The following LRRC37B variants were observed in gnomAD, a reference collection of about 807,000 sequenced individuals.
LRRC37B encodes the protein leucine-rich repeat-containing protein 37B.
A neutral mutation model predicts 98.3 loss-of-function variants in LRRC37B; 28 were observed. The observed-to-expected ratio is 0.28, with a 90% confidence interval of 0.21 to 0.39. The LOEUF (loss-of-function observed/expected upper bound fraction) is 0.39, where lower values mean the gene tolerates loss of function less well. Ranked by LOEUF, LRRC37B falls within the 10% of genes least tolerant of loss-of-function variation. The pLI is 1.00. For missense variants in LRRC37B, 938 were observed against 1,182.7 expected (o/e 0.79, Z 3.03); for synonymous variants, 364 against 442.7 (o/e 0.82, Z 2.23).
At chr17:32,039,663 C>T (rs1284046075) in intron 7 of LRRC37B, among the ~76,000 whole-genome samples, 17 of 146,078 alleles carry the variant, frequency 1.2e-4, no homozygotes, top group African/African-American at 4.1e-4. Flanking sequence ...CTTACTGCAA[C>T]TTAAATTGTG....
At chr17:32,027,499 GTGTGTGTGTGCTTGCC>G (rs1477658334) in intron 2 of LRRC37B, among the ~76,000 whole-genome samples, 2 of 150,474 alleles carry the variant, frequency 1.3e-5, no homozygotes, top group African/African-American at 2.4e-5. Flanking sequence ...GGGTGTGCTT[GTGTGTGTGTGCTTGCC>G]TGTGTGTGTG....
chr17:32,022,718 C>T lies in LRRC37B; in HGVS notation c.1653C>T (p.Cys551=), dbSNP rs1044847. Residue 551 remains cysteine, a synonymous_variant, in exon 1 of 12, where the codon TGC becomes TGT. Coordinates refer to ENST00000327564, the Ensembl canonical transcript of LRRC37B. ...CAAGCACCAACATATGTGAGCTCTG[C>T]ACCTGCGGAGATGAGACTCTGTCAT... The T allele has an allele frequency of 2.5e-6, 4 of 1,614,030 alleles. No homozygotes were observed. In the Admixed American group the frequency reaches 5.0e-5, roughly 20 times the overall value.
chr17:32,013,864 T>C (rs569756079), intron 1 of LRRC37B, among the ~76,000 whole-genome samples: 46 of 152,306 alleles, frequency 3.0e-4, no homozygotes, highest in African/African-American at 7.7e-4. Context: ...TATATCTATA[T>C]ACATATACAA....
At chr17:32,051,458 G>T (rs982754884) in intron 11 of LRRC37B, 1 of 151,006 alleles carries the variant, frequency 6.6e-6, no homozygotes, top group African/African-American at 2.4e-5. Flanking sequence ...TCCAGCCTGG[G>T]GGACAGAGCG....
At chr17:32,015,708 C>G (rs1910634262) in intron 1 of LRRC37B, among the ~76,000 whole-genome samples, 1 of 152,128 alleles carries the variant, frequency 6.6e-6, no homozygotes, top group Non-Finnish European at 1.5e-5. Context: ...CACCTCTGCC[C>G]TCGGCGGGTA....
chr17:32,038,080 T>G (rs1465214996), intron 7 of LRRC37B, among the ~76,000 whole-genome samples: 1 of 150,590 alleles, frequency 6.6e-6, no homozygotes, highest in Non-Finnish European at 1.5e-5. Flanking sequence ...TGAGCAGAGA[T>G]CACGCCACTG....
chr17:32,053,050 G>A, intron 11 of LRRC37B: 1 of 550,250 alleles, frequency 1.8e-6, no homozygotes, highest in Non-Finnish European at 3.3e-6. Flanking sequence ...CTGGTATGGT[G>A]TGGGGGCGAT....
Position 32,040,640 on chromosome 17 carries a change from C to T in LRRC37B, c.2204+5001C>T. On this transcript the variant is annotated intron_variant, in intron 7 of 11. Coordinates refer to ENST00000327564, the Ensembl canonical transcript of LRRC37B. ...CACAGGCTAAGCTGACCATGCTCAA[C>T]ACAGTGTGCAAGATCCAGGGCCAGG... 3 of 778,426 alleles carry T rather than the reference C, an allele frequency of 3.9e-6. No individual in the cohort carries two copies. The South Asian group carries it at 4.0e-5, about 10-fold the overall frequency. 48.2% of individuals were successfully genotyped at this position (778,426 alleles called of 1,614,324 possible). A position where few individuals can be genotyped will look rare whatever the true frequency, so the allele number is the denominator to read the frequency against.
At position 32,027,767 on chromosome 17, in the gene LRRC37B, A is replaced by C; in HGVS notation, c.1833-2A>C. On this transcript the variant is annotated splice_acceptor_variant, in intron 2 of 11. Transcript: ENST00000327564. LOFTEE classifies it high-confidence loss of function. ...CCTAGAAATAACTTTTTCATTTTCC[A>C]GAATTCTCAGTGAAAATTATTTGAC... The C allele has an allele frequency of 6.2e-7, 1 of 1,604,046 alleles. No homozygotes were observed. Among genetic ancestry groups the C allele is most frequent in the Non-Finnish European group, 8.5e-7 (1 of 1,175,096 alleles).
chr17:32,011,899 C>G (rs555501759), intron 1 of LRRC37B, among the ~76,000 whole-genome samples: 1 of 152,294 alleles, frequency 6.6e-6, no homozygotes, highest in South Asian at 2.1e-4. Context: ...ATGACTTACT[C>G]TTTGACCCAT....
intron 8 of LRRC37B, among the ~76,000 whole-genome samples, chr17:32,046,179 G>A (rs2627094): frequency 0.12 from 14,849 of 126,734 alleles, no homozygotes; most frequent in African/African-American, 0.3. Flanking sequence ...TTTTATATCT[G>A]TGAGGTCTCA....
At chr17:32,021,802 A>G in exon 1 of LRRC37B, 1 of 1,614,232 alleles carries the variant, frequency 6.2e-7, no homozygotes, top group Non-Finnish European at 8.5e-7. Flanking sequence ...CAGCGTCAGA[A>G]ACAGACTTTG....
rs1911208843 is a variant in LRRC37B, at chr17:32,034,995, T to C, written c.2129+14T>C. 2 of 1,526,948 alleles carry C rather than the reference T, an allele frequency of 1.3e-6. No individual in the cohort carries two copies. Among genetic ancestry groups the C allele is most frequent in the South Asian group, 2.3e-5 (2 of 86,374 alleles). The allele number at this position is 1,526,948 out of a possible 1,614,324, so 94.6% of individuals were successfully genotyped here. On this transcript the variant is annotated intron_variant, in intron 6 of 11. Coordinates refer to ENST00000327564, the Ensembl canonical transcript of LRRC37B. ...ATTAAAATATCTGTAAGTACTATAG[T>C]ACTCTCATGAGTCATGAGATGATTT... is the stretch of plus-strand genomic sequence containing the variant.
At chr17:32,015,711 G>C (rs1009032193) in intron 1 of LRRC37B, among the ~76,000 whole-genome samples, 1 of 152,120 alleles carries the variant, frequency 6.6e-6, no homozygotes, top group Non-Finnish European at 1.5e-5. Context: ...CTCTGCCCTC[G>C]GCGGGTACTT....
At chr17:32,007,797 C>T (rs1910443509), upstream of LRRC37B, 1 of 1,186,720 alleles carries the variant, frequency 8.4e-7, no homozygotes, top group South Asian at 4.2e-5. This position sits in a 1 kb window ranked among gnomAD's most constrained non-coding sequence, Gnocchi z 4.1. Context: ...GCTGAGCTCG[C>T]CCAGGGTGGG....
chr17:32,020,958 G>A (rs1049534838), upstream of LRRC37B: 4 of 1,462,958 alleles, frequency 2.7e-6, no homozygotes, highest in Non-Finnish European at 3.6e-6. Context: ...GGGGTGGGAA[G>A]GGGCGCTTGG....
chr17:32,024,511 A>G lies in LRRC37B; in HGVS notation c.1761-200A>G, dbSNP rs1195976902. 3 of 1,041,826 alleles carry G rather than the reference A, an allele frequency of 2.9e-6. No individual in the cohort carries two copies. The African/African-American group carries it at 4.8e-5, about 17-fold the overall frequency. The allele number at this position is 1,041,826 out of a possible 1,614,324, so 64.5% of individuals were successfully genotyped here. On this transcript the variant is annotated intron_variant, in intron 1 of 11. Coordinates refer to ENST00000327564, the Ensembl canonical transcript of LRRC37B. ...GGATAGGAAGTTAAGCTTCCGGGAG[A>G]TGCCTCATCATTTGTGCCAGTGGCC...
At chr17:32,021,861 C>T (rs1412718943) in exon 1 of LRRC37B, 1 of 1,614,176 alleles carries the variant, frequency 6.2e-7, no homozygotes. Flanking sequence ...CAGCCTACCT[C>T]CAGAACTCCG....
At chr17:32,035,077 A>T in intron 6 of LRRC37B, 96 bp downstream of exon 9, 1 of 919,854 alleles carries the variant, frequency 1.1e-6, no homozygotes, top group Non-Finnish European at 1.6e-6. Context: ...CTAAAAAGTC[A>T]TAATTTAAAT....
Sources: gnomAD v4.1 joint callset for allele counts (sites outside exome capture counted in the v4.1 genomes callset) on GRCh38, gnomAD v4.1.1 for gene constraint, Gnocchi (gnomAD v3.1) non-coding constraint, MANE v1.5 for transcripts, NCBI Gene and HGNC (gene_info 2026-07-23, HGNC 2026-07-21) for gene names.